Variants in FCRL1 observed in about 807,000 individuals in gnomAD.
FCRL1 encodes the protein Fc receptor-like protein 1.
FCRL1 carries 34 observed loss-of-function variants against 49.2 expected under a neutral mutation model. The ratio of observed to expected loss-of-function variants is 0.69; its 90% CI spans 0.53 to 0.92. The LOEUF (loss-of-function observed/expected upper bound fraction) is 0.92, where lower values mean the gene tolerates loss of function less well. Among genes scored for constraint, FCRL1 ranks in the 40% least tolerant of loss-of-function variants. The pLI, the probability that FCRL1 is intolerant of heterozygous loss-of-function variation, is 0.00. For missense variants in FCRL1, 524 were observed against 524.1 expected (o/e 1.00, Z 0.00); for synonymous variants, 218 against 201.6 (o/e 1.08, Z -0.69).
chr1:157,807,429 A>T (rs1398862260), intron 1 of FCRL1, among the ~76,000 whole-genome samples: 1 of 152,148 alleles, frequency 6.6e-6, no homozygotes, highest in Non-Finnish European at 1.5e-5. Flanking sequence ...ATCACAAAGT[A>T]ATTGCCAATG....
In FCRL1 at chr1:157,802,091, G is replaced by T. The variant is rs751078246; in HGVS notation, c.710C>A (p.Pro237Gln). Residue 237 changes from proline to glutamine, a missense_variant, in exon 5 of 11, where the codon CCG (proline) becomes CAG (glutamine). Pro to Gln is a moderately conservative substitution (Grantham distance 76). Transcript: ENST00000368176. ...CTCGTGATAAAACCAGTACAGGATCGGAGGAGAGCCTCTCAGGGCCTCACA... is the reference window on the plus strand; with the variant it reads ...CTCGTGATAAAACCAGTACAGGATCTGAGGAGAGCCTCTCAGGGCCTCACA... ...LHCEALRGSP[P>Q]ILYWFYHEDI... The T allele has an allele frequency of 1.2e-6, 2 of 1,614,190 alleles. No homozygotes were observed. The highest frequency in any genetic ancestry group is 1.7e-5 in the Admixed American group (1 of 60,024).
At chr1:157,813,787 C>A (rs1477903715) in intron 1 of FCRL1, among the ~76,000 whole-genome samples, 1 of 152,132 alleles carries the variant, frequency 6.6e-6, no homozygotes, top group Admixed American at 6.5e-5. Context: ...TCTCCAAGGT[C>A]ATTATAATCA....
At position 157,796,166 on chromosome 1, in the gene FCRL1, G is replaced by T; in HGVS notation, c.1223C>A (p.Ser408Tyr). 6.2e-7 allele frequency: 1 copy of T among 1,613,792 alleles called. No individual in the cohort carries two copies. Among genetic ancestry groups the T allele is most frequent in the Admixed American group, 1.7e-5 (1 of 60,016 alleles). Residue 408 changes from serine to tyrosine, a missense_variant, in exon 11 of 11, where the codon TCC becomes TAC. Coordinates refer to ENST00000368176, the MANE Select transcript of FCRL1 (RefSeq NM_052938.5). ...TLGTHMEDKV[S>Y]LDIYSRLRKA... ...CCTCAGCCTGGAATAGATGTCTAAGGAAACCTGGAAGCAAAGATTAGGACT... is the reference window on the plus strand; with the variant it reads ...CCTCAGCCTGGAATAGATGTCTAAGTAAACCTGGAAGCAAAGATTAGGACT...
At position 157,794,413 on chromosome 1, in the gene FCRL1, A is replaced by T. The variant is rs1651200945; in HGVS notation, c.*1686T>A. On this transcript the variant is annotated 3_prime_UTR_variant, in exon 11 of 11. Coordinates refer to ENST00000368176, the MANE Select transcript of FCRL1 (RefSeq NM_052938.5). ...ATTAAACCTCTTTCCTTTATAAATT[A>T]CCCAGTCTTGGATATGTCTTTATTA... 2 of 152,182 alleles carry T rather than the reference A, an allele frequency of 1.3e-5. No homozygotes were observed. Among genetic ancestry groups the T allele is most frequent in the African/African-American group, 4.8e-5 (2 of 41,442 alleles). 9.4% of individuals were successfully genotyped at this position (152,182 alleles called of 1,614,324 possible). A position where few individuals can be genotyped will look rare whatever the true frequency, so the allele number is the denominator to read the frequency against.
At chr1:157,815,951 T>A (rs1336100998) in intron 1 of FCRL1, among the ~76,000 whole-genome samples, 1 of 151,874 alleles carries the variant, frequency 6.6e-6, no homozygotes, top group African/African-American at 2.4e-5. Flanking sequence ...GGGAATTCAA[T>A]CAGTAATAAA....
At chr1:157,815,355 T>G (rs543123558) in intron 1 of FCRL1, among the ~76,000 whole-genome samples, 1 of 151,696 alleles carries the variant, frequency 6.6e-6, no homozygotes, top group South Asian at 2.1e-4. Flanking sequence ...AAAGAACCAA[T>G]GAGTCAATGA....
At chr1:157,802,287 C>A in intron 4 of FCRL1, 90 bp downstream of exon 4, 1 of 1,576,778 alleles carries the variant, frequency 6.3e-7, no homozygotes, top group South Asian at 1.2e-5. Flanking sequence ...TGAACTTCCT[C>A]AGCATGCCCC....
At chr1:157,806,820 C>T in intron 2 of FCRL1, 1 of 339,136 alleles carries the variant, frequency 2.9e-6, no homozygotes, top group Non-Finnish European at 5.4e-6. Context: ...TGTCTCCCTC[C>T]CTGTGCTGGG....
chr1:157,802,026 C>G lies in FCRL1; in HGVS notation c.775G>C (p.Gly259Arg). 1 of 1,614,216 alleles carries G rather than the reference C, an allele frequency of 6.2e-7. No individual in the cohort carries two copies. The highest frequency in any genetic ancestry group is 1.1e-5 in the South Asian group (1 of 91,084). ...LGSRSAPSGG[G>R]ASFNLSLTEE... ...GTCAGGGAAAGGTTGAAGGAGGCTC[C>G]TCCTCCAGAGGGGGCCGACCTGCTC... is the stretch of plus-strand genomic sequence containing the variant. Residue 259 changes from glycine (G) to arginine (R), a missense_variant, in exon 5 of 11, where the codon GGA becomes CGA. Coordinates refer to ENST00000368176, the MANE Select transcript of FCRL1 (RefSeq NM_052938.5).
Position 157,796,087 on chromosome 1 carries a change from T to G in FCRL1, c.*12A>C, listed in dbSNP as rs1238403847. On this transcript the variant is annotated 3_prime_UTR_variant, in exon 11 of 11. Transcript: ENST00000368176. ...CATGGATGGTTTTCAAAGAGCAGAA[T>G]CTTCCATAACCTTACATAGCATCTT... is the stretch of plus-strand genomic sequence containing the variant. 5 of 1,611,680 alleles carry G rather than the reference T, an allele frequency of 3.1e-6. No individual in the cohort carries two copies. Among genetic ancestry groups the G allele is most frequent in the Non-Finnish European group, 4.2e-6 (5 of 1,177,912 alleles).
In FCRL1 at chr1:157,819,970, TTGCATCCCATGCCCTGCTCTGAGTTGCC is replaced by T. The variant is rs1306895144; in HGVS notation, c.31+9_31+36del. The T allele has an allele frequency of 9.9e-6, 16 of 1,613,184 alleles. No homozygotes were observed. The highest frequency in any genetic ancestry group is 1.4e-5 in the Non-Finnish European group (16 of 1,179,386). On this transcript the variant is annotated intron_variant, in intron 1 of 10. Coordinates refer to ENST00000368176, the MANE Select transcript of FCRL1 (RefSeq NM_052938.5). ...TTCAGGAAGCAGAGCCCAAGCATGA[TTGCATCCCATGCCCTGCTCTGAGTTGCC>T]CAACTCACCACAGATCAACAGCAAC...
In FCRL1 at chr1:157,801,921, A is replaced by G. The variant is rs1183041228; in HGVS notation, c.880T>C (p.Phe294Leu). 6.2e-7 allele frequency: 1 copy of G among 1,612,770 alleles called. No homozygotes were observed. The highest frequency in any genetic ancestry group is 8.5e-7 in the Non-Finnish European group (1 of 1,179,282). ...TCCATAGCCTGAGCTATACCTGTGA[A>G]GTTGAGTGTCACCGCCTCACTGCGC... ...AQRSEAVTLN[F>L]TVPTGARSNH... The change falls in exon 5 of 11, where the codon TTC (phenylalanine) becomes CTC (leucine). Residue 294 changes from phenylalanine to leucine, a missense_variant. By Grantham distance (22) the Phe-to-Leu change is conservative. Coordinates refer to ENST00000368176, the MANE Select transcript of FCRL1 (RefSeq NM_052938.5).
At chr1:157,797,223 C>T in intron 9 of FCRL1, 91 bp from the exon 10 acceptor site, 4 of 1,175,006 alleles carry the variant, frequency 3.4e-6, no homozygotes, top group Non-Finnish European at 5.1e-6. Flanking sequence ...CCTCTCCCAT[C>T]TATTTCCCAT....
intron 1 of FCRL1, among the ~76,000 whole-genome samples, chr1:157,811,098 G>A (rs2101888313): frequency 6.6e-6 from 1 of 152,232 alleles, no homozygotes; most frequent in East Asian, 1.9e-4. Flanking sequence ...ACTTTATAAA[G>A]GGAAACAGAA....
chr1:157,815,032 A>G (rs994030263), intron 1 of FCRL1, among the ~76,000 whole-genome samples: 4 of 152,022 alleles, frequency 2.6e-5, no homozygotes, highest in African/African-American at 4.8e-5. Context: ...CTCCACTTTC[A>G]GCAATGGAAA....
intron 7 of FCRL1, among the ~76,000 whole-genome samples, chr1:157,799,157 C>G (rs146517497): frequency 5.3e-5 from 8 of 152,094 alleles, no homozygotes; most frequent in Non-Finnish European, 1.0e-4. Context: ...TGCATCACCA[C>G]GTCCAGCTAA....
chr1:157,807,264 CTCTT>C, intron 1 of FCRL1, 142 bp from the exon 2 acceptor site: 1 of 727,232 alleles, frequency 1.4e-6, no homozygotes, highest in Non-Finnish European at 2.2e-6. Flanking sequence ...CCCTCTTTCC[CTCTT>C]TCTCTCTTCT....
At position 157,804,251 on chromosome 1, in the gene FCRL1, C is replaced by CT. The variant is rs201261723; in HGVS notation, c.53-141_53-140insA. The stretch of plus-strand genomic sequence containing the variant: ...AGGCCACCCTACATGTCTCCACCCC[C>CT]CCCCCAGTGGCCCATGGGCTTTCCT... On this transcript the variant is annotated intron_variant, in intron 2 of 10. Coordinates refer to ENST00000368176, the MANE Select transcript of FCRL1 (RefSeq NM_052938.5). 1.2e-3 allele frequency: 1,181 copies of CT among 974,956 alleles called. 14 individuals are homozygous for CT. In the African/African-American group the frequency reaches 0.017, roughly 14 times the overall value. The allele number at this position is 974,956 out of a possible 1,614,324, so 60.4% of individuals were successfully genotyped here.
chr1:157,818,684 C>T (rs1655387303), intron 1 of FCRL1, among the ~76,000 whole-genome samples: 3 of 152,054 alleles, frequency 2.0e-5, no homozygotes, highest in Admixed American at 6.6e-5. Flanking sequence ...GGGATGCCTG[C>T]TAGTGGGTAT....
Sources: gnomAD v4.1 joint callset for allele counts (sites outside exome capture counted in the v4.1 genomes callset) on GRCh38, gnomAD v4.1.1 for gene constraint, MANE v1.5 for transcripts, NCBI Gene and HGNC (gene_info 2026-07-23, HGNC 2026-07-21) for gene names.